USP33: variants seen among roughly 807,000 people sequenced by gnomAD.
The protein encoded by USP33 is ubiquitin carboxyl-terminal hydrolase 33.
Under a neutral mutation model 124.2 loss-of-function variants are expected in USP33, and 46 were observed. The ratio of observed to expected loss-of-function variants is 0.37; its 90% CI spans 0.29 to 0.47. The LOEUF (loss-of-function observed/expected upper bound fraction) is 0.47. USP33 is among the 20% of genes least tolerant of loss of function. The probability of loss-of-function intolerance (pLI) is 0.99; values close to 1 mark genes in which losing one functional copy is unlikely to be tolerated. For synonymous variants in USP33, 350 were observed against 352.3 expected, an observed-to-expected ratio of 0.99 and a Z score of 0.07; for missense variants, 851 against 1,070.6, an observed-to-expected ratio of 0.79 and a Z score of 2.86.
chr1:77,748,789 C>A (rs1356670225), intron 1 of USP33, among the ~76,000 whole-genome samples: 2 of 128,912 alleles, frequency 1.6e-5, no homozygotes, highest in Non-Finnish European at 1.7e-5. Flanking sequence ...TCCCCCCCCC[C>A]CCCGTGCTTG....
intron 4 of USP33, 42 bp downstream of exon 4, chr1:77,740,835 C>CTT: frequency 2.8e-6 from 4 of 1,435,552 alleles, no homozygotes; most frequent in Non-Finnish European, 3.8e-6. Context: ...CCTTCAGGCA[C>CTT]TTTTTTTAAC....
chr1:77,731,645 A>G (rs1677826955), intron 7 of USP33, among the ~76,000 whole-genome samples: 1 of 151,924 alleles, frequency 6.6e-6, no homozygotes, highest in Admixed American at 6.6e-5. Flanking sequence ...CCAAAGTGCT[A>G]CAGGCATGAG....
intron 7 of USP33, among the ~76,000 whole-genome samples, chr1:77,732,840 C>A (rs1007127258): frequency 1.2e-4 from 16 of 138,626 alleles, no homozygotes; most frequent in African/African-American, 4.4e-4. Flanking sequence ...GTCACCTGGG[C>A]TAGAGTGCAA....
chr1:77,736,019 G>A (rs754978085), intron 6 of USP33, 37 bp downstream of exon 6: 2 of 1,437,452 alleles, frequency 1.4e-6, no homozygotes, highest in South Asian at 2.6e-5. Context: ...GAAATGGGCA[G>A]TGCCATACAA....
At position 77,759,771 on chromosome 1, in the gene USP33, G is replaced by T. The variant is rs1292792397; in HGVS notation, c.-180C>A. On this transcript the variant is annotated 5_prime_UTR_variant, in exon 1 of 24. Transcript: ENST00000370794. ...TGTCGCGTCAGGAGGGCCGGAAAACGGCCCCGCAGCGCTGCCCTCGGGGGG... is the reference window on the plus strand; with the variant it reads ...TGTCGCGTCAGGAGGGCCGGAAAACTGCCCCGCAGCGCTGCCCTCGGGGGG... The T allele has an allele frequency of 2.5e-6, 1 of 397,928 alleles. No homozygotes were observed. Among genetic ancestry groups the T allele is most frequent in the Non-Finnish European group, 4.4e-6 (1 of 225,570 alleles). 24.6% of individuals were successfully genotyped at this position (397,928 alleles called of 1,614,324 possible).
chr1:77,727,437 T>G (rs1447624444), intron 10 of USP33, among the ~76,000 whole-genome samples: 1 of 152,204 alleles, frequency 6.6e-6, no homozygotes, highest in East Asian at 1.9e-4. Context: ...ATTTATTCAC[T>G]AACAACTTCT....
chr1:77,735,923 G>T, intron 6 of USP33, 133 bp downstream of exon 6: 3 of 595,342 alleles, frequency 5.0e-6, no homozygotes, highest in Non-Finnish European at 7.9e-6. Context: ...ATTTTACTAG[G>T]CCAAATTTCA....
Position 77,741,398 on chromosome 1 carries a change from G to C in USP33, c.113C>G (p.Pro38Arg). ...CACCTCCAGACATGCCCAAAGATTTGGTCCTTGGACTTTACAATCCTGACA... is the reference window on the plus strand; with the variant it reads ...CACCTCCAGACATGCCCAAAGATTTCGTCCTTGGACTTTACAATCCTGACA... ...GTCQDCKVQGPNLWACLENRC... is the reference protein window; with the variant it reads ...GTCQDCKVQGRNLWACLENRC... Residue 38 changes from proline (P) to arginine (R), a missense_variant, in exon 3 of 24, where the codon CCA (proline) becomes CGA (arginine). Pro to Arg is a moderately radical substitution (Grantham distance 103). Around this residue, in one of 4 missense-constraint regions of USP33, gnomAD observed 221 missense variants for 302.9 expected, o/e 0.73. Transcript: ENST00000370794. The C allele has an allele frequency of 6.2e-7, 1 of 1,608,874 alleles. No homozygotes were observed. Among genetic ancestry groups the C allele is most frequent in the Non-Finnish European group, 8.5e-7 (1 of 1,178,758 alleles).
chr1:77,726,964 G>C (rs1270607108), intron 10 of USP33, among the ~76,000 whole-genome samples: 2 of 152,112 alleles, frequency 1.3e-5, no homozygotes, highest in Non-Finnish European at 2.9e-5. Context: ...GAAGAAAAGA[G>C]AATTGTTCGT....
rs1675285182 is a variant in USP33 at position 77,711,730 on chromosome 1, A to T, written c.2406+17T>A. 1 of 1,597,946 alleles carries T rather than the reference A, an allele frequency of 6.3e-7. No individual in the cohort carries two copies. The highest frequency in any genetic ancestry group is 2.2e-5 in the East Asian group (1 of 44,676). On this transcript the variant is annotated intron_variant, in intron 21 of 23. Transcript: ENST00000370794. ...CATCTTTATCCTAGATCAATTTGAA[A>T]AGCATCACTTTTTTACCCGAATAAA... is the stretch of plus-strand genomic sequence containing the variant.
intron 15 of USP33, among the ~76,000 whole-genome samples, chr1:77,720,122 T>A (rs1676396337): frequency 8.5e-6 from 1 of 116,980 alleles, no homozygotes; most frequent in South Asian, 2.8e-4. Context: ...ATCATGCTAC[T>A]GAATCTTCAG....
intron 1 of USP33, among the ~76,000 whole-genome samples, chr1:77,745,239 T>A (rs901474390): frequency 3.3e-5 from 5 of 152,254 alleles, no homozygotes; most frequent in Non-Finnish European, 7.3e-5. Flanking sequence ...GAGACTAGGA[T>A]TGCAAACCCT....
At chr1:77,730,007 C>A in intron 8 of USP33, 69 bp from the exon 9 acceptor site, 1 of 1,321,584 alleles carries the variant, frequency 7.6e-7, no homozygotes, top group Non-Finnish European at 1.1e-6. Context: ...AATTAACTAC[C>A]AATAATTCAA....
intron 21 of USP33, among the ~76,000 whole-genome samples, chr1:77,710,512 G>T (rs1345809629): frequency 6.6e-6 from 1 of 152,132 alleles, no homozygotes; most frequent in Non-Finnish European, 1.5e-5. Context: ...ACTAAAGTTT[G>T]CTTCCTTAGA....
At chr1:77,707,601 G>GT (rs1400178663) in intron 21 of USP33, among the ~76,000 whole-genome samples, 1 of 152,094 alleles carries the variant, frequency 6.6e-6, no homozygotes, top group African/African-American at 2.4e-5. Context: ...GCACCATTTA[G>GT]TATTTCCATA....
chr1:77,742,555 C>G (rs1679244383), intron 1 of USP33, among the ~76,000 whole-genome samples: 1 of 142,956 alleles, frequency 7.0e-6, no homozygotes, highest in Admixed American at 6.8e-5. Context: ...GCACATAAGG[C>G]TAAGAGATGC....
chr1:77,719,667 A>C (rs1319394690), intron 15 of USP33, among the ~76,000 whole-genome samples: 1 of 152,002 alleles, frequency 6.6e-6, no homozygotes, highest in African/African-American at 2.4e-5. Context: ...AGCCTGACCA[A>C]TATGGCAAAA....
At position 77,697,144 on chromosome 1, in the gene USP33, G is replaced by T. The variant is rs760462991; in HGVS notation, c.*173C>A. Reference sequence around the variant, plus strand: ...TTAAAACTAAATATACCAACCTGTGGTATATTACACATTTTAATATATTCT... The same window carrying T: ...TTAAAACTAAATATACCAACCTGTGTTATATTACACATTTTAATATATTCT... On this transcript the variant is annotated 3_prime_UTR_variant, in exon 24 of 24. Transcript: ENST00000370794. The T allele has an allele frequency of 1.7e-5, 10 of 573,762 alleles. No individual in the cohort carries two copies. The highest frequency in any genetic ancestry group is 2.9e-5 in the Non-Finnish European group (10 of 342,904). The allele number at this position is 573,762 out of a possible 1,614,324, so 35.5% of individuals were successfully genotyped here. A position where few individuals can be genotyped will look rare whatever the true frequency, so the allele number is the denominator to read the frequency against.
chr1:77,701,307 A>G (rs1673985164), intron 22 of USP33, 62 bp downstream of exon 22: 1 of 1,213,676 alleles, frequency 8.2e-7, no homozygotes, highest in East Asian at 2.3e-5. Flanking sequence ...TATTCAAGAA[A>G]TACTTGTCAA....
Sources: allele counts gnomAD v4.1 joint callset (sites outside exome capture counted in the v4.1 genomes callset), GRCh38; gene constraint gnomAD v4.1.1; regional missense constraint gnomAD v4.1.1; transcripts MANE v1.5; gene names NCBI Gene and HGNC (gene_info 2026-07-23, HGNC 2026-07-21).